The following PCNX2 variants were observed in gnomAD, a reference collection of about 807,000 sequenced individuals.
PCNX2 encodes pecanex-like protein 2.
In PCNX2, 168 loss-of-function variants were observed where a neutral mutation model predicts 223.8. That is an observed-to-expected ratio of 0.75 (90% confidence interval 0.66 to 0.85). The LOEUF (loss-of-function observed/expected upper bound fraction) is 0.85, where lower values mean the gene tolerates loss of function less well. Ranked by LOEUF, PCNX2 falls within the 40% of genes least tolerant of loss-of-function variation. The pLI, the probability that PCNX2 is intolerant of heterozygous loss-of-function variation, is 0.00. For synonymous variants in PCNX2, 1,006 were observed against 1,052.6 expected, an observed-to-expected ratio of 0.96 and a Z score of 0.86; for missense variants, 2,507 against 2,675.5, an observed-to-expected ratio of 0.94 and a Z score of 1.39.
intron 8 of PCNX2, chr1:233,241,288 G>A (rs1658747988): frequency 4.1e-5 from 40 of 985,436 alleles, no homozygotes; most frequent in Non-Finnish European, 4.7e-5. Context: ...AGCAGTGGCT[G>A]TTGCCACCGG....
intron 4 of PCNX2, chr1:233,259,901 G>A: frequency 1.3e-6 from 1 of 771,140 alleles, no homozygotes; most frequent in South Asian, 5.9e-5. Context: ...AAGCAATACA[G>A]TATAACAACT....
intron 21 of PCNX2, among the ~76,000 whole-genome samples, chr1:233,103,678 A>G (rs1182173020): frequency 6.6e-6 from 1 of 152,110 alleles, no homozygotes; most frequent in Non-Finnish European, 1.5e-5. Flanking sequence ...AAATCCATTT[A>G]CCTATTGATG....
At chr1:233,170,640 A>T (rs1271386052) in intron 17 of PCNX2, among the ~76,000 whole-genome samples, 1 of 152,234 alleles carries the variant, frequency 6.6e-6, no homozygotes, top group Non-Finnish European at 1.5e-5. Context: ...CTACACTGCT[A>T]TCATAAAAGT....
Position 232,986,232 on chromosome 1 carries a change from C to G in PCNX2, c.6100G>C (p.Gly2034Arg). The change falls in exon 33 of 34, where the codon GGC becomes CGC. Residue 2034 changes from glycine (G) to arginine (R), a missense_variant. This residue lies in a region of PCNX2 where 1,372 missense variants were observed against 1,509.4 expected (regional missense o/e 0.91). Coordinates refer to ENST00000258229, the MANE Select transcript of PCNX2 (RefSeq NM_014801.4). ...STSSTLSFLF[G>R]KRSFSSALVI... ...AGCGCGCTGGAAAAGCTCCTCTTGC[C>G]GAAGAGGAAGCTCAGGGTGGAGCTG... 9 of 1,559,658 alleles carry G rather than the reference C, an allele frequency of 5.8e-6. No individual in the cohort carries two copies. Among genetic ancestry groups the G allele is most frequent in the Non-Finnish European group, 6.1e-6 (7 of 1,151,688 alleles).
In PCNX2 at chr1:233,083,843, C is replaced by T. The variant is rs577464905; in HGVS notation, c.4076+6218G>A. 6.6e-5 allele frequency among the ~76,000 whole-genome samples: 10 copies of T among 152,172 alleles called. No individual in the cohort carries two copies. In the East Asian group the frequency reaches 7.7e-4, roughly 12 times the overall value. On this transcript the variant is annotated intron_variant, in intron 23 of 33. Transcript: ENST00000258229. ...GGCTGGCTATGGATGTGATGGTACA[C>T]GATCTATATGATGTGTCATTTCCCC...
rs537028894 is a variant in PCNX2, at chr1:232,990,759, C to T, written c.5792-4219G>A. 5.9e-5 allele frequency among the ~76,000 whole-genome samples: 9 copies of T among 152,224 alleles called. No homozygotes were observed. The highest frequency in any genetic ancestry group is 1.0e-4 in the Non-Finnish European group (7 of 68,020). ...AGGAGCACGTCAACCAGCTCCCACC[C>T]ACTCCTGCTTGGCCGTGTGCTGGGT... On this transcript the variant is annotated intron_variant, in intron 32 of 33. Transcript: ENST00000258229. This position sits in a 1 kb window ranked among gnomAD's most constrained non-coding sequence, Gnocchi z 4.3.
chr1:233,111,778 T>C (rs756030189), intron 21 of PCNX2, among the ~76,000 whole-genome samples: 20 of 152,196 alleles, frequency 1.3e-4, no homozygotes, highest in Admixed American at 7.2e-4. Flanking sequence ...CAGGCACTGG[T>C]ATTATTTACA....
At chr1:233,033,000 T>C (rs1286633395) in intron 25 of PCNX2, 1 of 985,264 alleles carries the variant, frequency 1.0e-6, no homozygotes, top group African/African-American at 1.7e-5. Context: ...TCAAGGCCCA[T>C]ATTCTCAGGA....
At chr1:233,264,925 AAC>A (rs1185539317) in intron 1 of PCNX2, among the ~76,000 whole-genome samples, 1 of 152,166 alleles carries the variant, frequency 6.6e-6, no homozygotes, top group Non-Finnish European at 1.5e-5. Context: ...TGTCCGTGAA[AAC>A]AGATTATTGT....
Position 232,986,108 on chromosome 1 carries a change from G to A in PCNX2, c.6224C>T (p.Ala2075Val). Residue 2075 changes from alanine to valine, a missense_variant, in exon 33 of 34, where the codon GCC becomes GTC. Physicochemically the swap from Ala to Val is moderately conservative, Grantham distance 64. This residue lies in a region of PCNX2 where 1,372 missense variants were observed against 1,509.4 expected (regional missense o/e 0.91). Coordinates refer to ENST00000258229, the MANE Select transcript of PCNX2 (RefSeq NM_014801.4). ...NIVMGPSARA[A>V]SQATRHLSEP... ...GCCCCTTACCCGAGTGGCCTGGCTG[G>A]CAGCCCTGGCTGAGGGGCCCATCAC... 1 of 1,564,478 alleles carries A rather than the reference G, an allele frequency of 6.4e-7. No individual in the cohort carries two copies. The highest frequency in any genetic ancestry group is 8.7e-7 in the Non-Finnish European group (1 of 1,153,760).
intron 32 of PCNX2, among the ~76,000 whole-genome samples, chr1:232,998,044 C>T (rs534177239): frequency 9.9e-4 from 151 of 152,286 alleles, no homozygotes; most frequent in Non-Finnish European, 1.8e-3. Context: ...AGGTCATGGA[C>T]AGATGGATAA....
rs761488839 is a variant in PCNX2, at chr1:232,986,503, G to C, written c.5829C>G (p.His1943Gln). The change falls in exon 33 of 34, where the codon CAC becomes CAG. Residue 1943 changes from histidine (H) to glutamine (Q), a missense_variant. Physicochemically the swap from His to Gln is conservative, Grantham distance 24. Around this residue, in one of 3 missense-constraint regions of PCNX2, gnomAD observed 1,372 missense variants for 1,509.4 expected, o/e 0.91. Transcript: ENST00000258229. Reference sequence around the variant, plus strand: ...TGGGCGGCCTTTGGCTTAGCGCTGAGTGTGCCTGCACGGACTGGCTCCTGC... The same window carrying C: ...TGGGCGGCCTTTGGCTTAGCGCTGACTGTGCCTGCACGGACTGGCTCCTGC... ...RKGRSQSVQAHSALSQRPPML... is the reference protein window; with the variant it reads ...RKGRSQSVQAQSALSQRPPML... 6.3e-7 allele frequency: 1 copy of C among 1,576,206 alleles called. No homozygotes were observed. The highest frequency in any genetic ancestry group is 8.6e-7 in the Non-Finnish European group (1 of 1,158,990).
At chr1:233,041,464 C>T (rs569538727) in intron 25 of PCNX2, among the ~76,000 whole-genome samples, 1 of 152,224 alleles carries the variant, frequency 6.6e-6, no homozygotes, top group South Asian at 2.1e-4. Flanking sequence ...CTTCAGTGTC[C>T]CCAAGGAGAA....
intron 19 of PCNX2, among the ~76,000 whole-genome samples, chr1:233,142,329 C>G (rs1677178640): frequency 6.6e-6 from 1 of 152,156 alleles, no homozygotes; most frequent in South Asian, 2.1e-4. Context: ...TGTCTTTGAC[C>G]TCCACTTTCG....
intron 8 of PCNX2, among the ~76,000 whole-genome samples, chr1:233,245,265 A>G (rs1221956112): frequency 6.6e-6 from 1 of 152,284 alleles, no homozygotes; most frequent in Non-Finnish European, 1.5e-5. Context: ...CCCTCTACAA[A>G]TAAATGAGAT....
chr1:233,031,383 C>G (rs16858540), intron 25 of PCNX2, among the ~76,000 whole-genome samples: 21,494 of 152,152 alleles, frequency 0.14, 1,573 homozygotes, highest in East Asian at 0.22. Context: ...TAGGCACTAA[C>G]AAAGTTGTTG....
At position 232,995,347 on chromosome 1, in the gene PCNX2, T is replaced by A. The variant is rs867631493; in HGVS notation, c.5791+2904A>T. Among the ~76,000 whole-genome samples, 8 of 152,230 alleles carry A rather than the reference T, an allele frequency of 5.3e-5. No homozygotes were observed. In the South Asian group the frequency reaches 6.2e-4, roughly 12 times the overall value. Reference sequence around the variant, plus strand: ...TGGCCAAGGCATGTGGTGTGTGGGGTATTTAGCCAGGCATGCTCCTTTGCT... The same window carrying A: ...TGGCCAAGGCATGTGGTGTGTGGGGAATTTAGCCAGGCATGCTCCTTTGCT... On this transcript the variant is annotated intron_variant, in intron 32 of 33. Coordinates refer to ENST00000258229, the MANE Select transcript of PCNX2 (RefSeq NM_014801.4).
intron 17 of PCNX2, among the ~76,000 whole-genome samples, chr1:233,171,128 TTTATTA>T (rs1295184828): frequency 2.3e-5 from 3 of 129,618 alleles, no homozygotes; most frequent in Non-Finnish European, 3.3e-5. Flanking sequence ...TCTAAACTTG[TTTATTA>T]TTATTATCAT....
chr1:232,995,527 C>T (rs949556736), intron 32 of PCNX2, among the ~76,000 whole-genome samples: 3 of 152,088 alleles, frequency 2.0e-5, no homozygotes, highest in African/African-American at 7.2e-5. Flanking sequence ...TACAAAGCAG[C>T]TGCAAGAGTT....
Sources: gnomAD v4.1 joint callset for allele counts (sites outside exome capture counted in the v4.1 genomes callset) on GRCh38, gnomAD v4.1.1 for gene constraint, gnomAD v4.1.1 regional missense constraint, Gnocchi (gnomAD v3.1) non-coding constraint, MANE v1.5 for transcripts, NCBI Gene and HGNC (gene_info 2026-07-23, HGNC 2026-07-21) for gene names.